The following SPPL3 variants were observed in gnomAD, a reference collection of about 807,000 sequenced individuals.
SPPL3 encodes signal peptide peptidase-like 3.
In SPPL3, 5 loss-of-function variants were observed where a neutral mutation model predicts 42.4. The observed-to-expected ratio is 0.12, with a 90% CI of 0.06 to 0.25. The LOEUF (loss-of-function observed/expected upper bound fraction) is 0.25, where lower values mean the gene tolerates loss of function less well. SPPL3 is among the 10% of genes least tolerant of loss of function. The pLI is 1.00. For missense variants in SPPL3, 235 were observed against 489.0 expected, an observed-to-expected ratio of 0.48 and a Z score of 4.90; for synonymous variants, 195 against 181.8, an observed-to-expected ratio of 1.07 and a Z score of -0.58.
rs79283524 is a variant in SPPL3 at position 120,871,144 on chromosome 12, A to G, written c.23+32701T>C. Among the ~76,000 whole-genome samples the G allele has an allele frequency of 5.8e-4, 83 of 142,202 alleles. 2 individuals are homozygous for G. Among genetic ancestry groups the G allele is most frequent in the African/African-American group, 2.3e-3 (77 of 34,212 alleles). The allele number at this position is 142,202 out of a possible 152,430, so 93.3% of individuals were successfully genotyped here. ...GACTCCGTCTCCAAAAAAAAAAAAAAAAAAAGAAAAAGTTCTGGAGGTAAA... is the reference window on the plus strand; with the variant it reads ...GACTCCGTCTCCAAAAAAAAAAAAAGAAAAAGAAAAAGTTCTGGAGGTAAA... On this transcript the variant is annotated intron_variant, in intron 1 of 10. Coordinates refer to ENST00000353487, the MANE Select transcript of SPPL3 (RefSeq NM_139015.5).
In SPPL3 at chr12:120,833,766, AGTGTGTGTGTGTGTGTGTGT is replaced by A. The variant is rs71076664; in HGVS notation, c.24-22900_24-22881del. On this transcript the variant is annotated intron_variant, in intron 1 of 10. Transcript: ENST00000353487. ...AGAAAAAAGAGTTGTTGAGTTTTAA[AGTGTGTGTGTGTGTGTGTGT>A]GTGTGTGTGTGTGTGTGTGTGTTGA... 6.8e-5 allele frequency among the ~76,000 whole-genome samples: 10 copies of A among 146,736 alleles called. No homozygotes were observed. In the South Asian group the frequency reaches 8.8e-4, roughly 13 times the overall value.
intron 6 of SPPL3, chr12:120,769,284 G>C (rs772163636): frequency 2.4e-6 from 1 of 417,360 alleles, no homozygotes; most frequent in Non-Finnish European, 4.4e-6. Flanking sequence ...CCTAGACATA[G>C]TGCTCGGCTG....
chr12:120,831,082 T>C (rs1447144549), intron 1 of SPPL3, among the ~76,000 whole-genome samples: 1 of 152,026 alleles, frequency 6.6e-6, no homozygotes, highest in Non-Finnish European at 1.5e-5. Flanking sequence ...TCTCTCTCTC[T>C]CTCTCTCCTT....
At chr12:120,875,875 C>A (rs1190533434) in intron 1 of SPPL3, among the ~76,000 whole-genome samples, 3 of 152,000 alleles carry the variant, frequency 2.0e-5, no homozygotes, top group African/African-American at 2.4e-5. Flanking sequence ...AATATAAATA[C>A]ACAGATTAAA....
At chr12:120,901,097 C>A (rs1420691866) in intron 1 of SPPL3, among the ~76,000 whole-genome samples, 1 of 152,088 alleles carries the variant, frequency 6.6e-6, no homozygotes, top group African/African-American at 2.4e-5. Context: ...TGGGAGAATT[C>A]ATGTCAAACA....
chr12:120,888,232 C>T (rs1420729147), intron 1 of SPPL3, among the ~76,000 whole-genome samples: 3 of 152,092 alleles, frequency 2.0e-5, no homozygotes, highest in Non-Finnish European at 4.4e-5. Flanking sequence ...TCCACCACCA[C>T]GCCCAGCTAA....
intron 1 of SPPL3, among the ~76,000 whole-genome samples, chr12:120,847,459 A>C (rs555518207): frequency 1.5e-4 from 23 of 150,730 alleles, no homozygotes; most frequent in African/African-American, 5.1e-4. Flanking sequence ...CACCTGGCTA[A>C]TTTTTGTATC....
chr12:120,838,598 T>C (rs910577616), intron 1 of SPPL3, among the ~76,000 whole-genome samples: 2 of 152,248 alleles, frequency 1.3e-5, no homozygotes, highest in Non-Finnish European at 2.9e-5. Context: ...CTTAAGCCAT[T>C]TGGGCTCTCT....
At position 120,825,125 on chromosome 12, in the gene SPPL3, T is replaced by TA. The variant is rs997961379; in HGVS notation, c.24-14240dup. Among the ~76,000 whole-genome samples, 18 of 151,222 alleles carry TA rather than the reference T, an allele frequency of 1.2e-4. No individual in the cohort carries two copies. In the South Asian group the frequency reaches 1.5e-3, roughly 12 times the overall value. ...TAATTACTAACACCTTAAACTCATT[T>TA]AAAAAAAAAGGACAGATCCAAACTT... On this transcript the variant is annotated intron_variant, in intron 1 of 10. Coordinates refer to ENST00000353487, the MANE Select transcript of SPPL3 (RefSeq NM_139015.5).
At chr12:120,832,829 T>G (rs1417591118) in intron 1 of SPPL3, among the ~76,000 whole-genome samples, 2 of 152,164 alleles carry the variant, frequency 1.3e-5, no homozygotes, top group Non-Finnish European at 2.9e-5. Context: ...TATTAGAGAT[T>G]TGAGTTGCAC....
chr12:120,777,426 T>C (rs530975847), intron 6 of SPPL3, among the ~76,000 whole-genome samples: 1 of 152,360 alleles, frequency 6.6e-6, no homozygotes, highest in South Asian at 2.1e-4. Flanking sequence ...ATATGCTCTG[T>C]TTATACATGC....
At chr12:120,811,109 C>T (rs933372283) in intron 1 of SPPL3, 8 of 367,982 alleles carry the variant, frequency 2.2e-5, no homozygotes, top group South Asian at 1.2e-4. Context: ...TAAATATTTA[C>T]GGCATGTAAA....
intron 1 of SPPL3, chr12:120,845,294 G>C (rs1871984479): frequency 5.7e-6 from 2 of 353,208 alleles, no homozygotes; most frequent in Non-Finnish European, 5.7e-6. Flanking sequence ...AACCCCAGGA[G>C]GACAGTATCC....
chr12:120,852,064 A>G (rs188630428), intron 1 of SPPL3, among the ~76,000 whole-genome samples: 115 of 147,432 alleles, frequency 7.8e-4, no homozygotes, highest in African/African-American at 2.7e-3. Flanking sequence ...AACAGATGTC[A>G]TTGTGTTTCA....
rs67329171 is a variant in SPPL3 at position 120,836,988 on chromosome 12, ATT to A, written c.24-26104_24-26103del. Among the ~76,000 whole-genome samples, 3 of 150,792 alleles carry A rather than the reference ATT, an allele frequency of 2.0e-5. 1 individual carries two copies. Among genetic ancestry groups the A allele is most frequent in the East Asian group, 3.9e-4 (2 of 5,176 alleles). On this transcript the variant is annotated intron_variant, in intron 1 of 10. Coordinates refer to ENST00000353487, the MANE Select transcript of SPPL3 (RefSeq NM_139015.5). Reference sequence around the variant, plus strand: ...GGCAAAGAGCACATGAGCTCTCTGCATTTTTTTTTTGTAACTGCATGTGAATC... The same window carrying A: ...GGCAAAGAGCACATGAGCTCTCTGCATTTTTTTTGTAACTGCATGTGAATC...
chr12:120,899,251 G>C (rs562305011), intron 1 of SPPL3, among the ~76,000 whole-genome samples: 1 of 152,168 alleles, frequency 6.6e-6, no homozygotes, highest in Non-Finnish European at 1.5e-5. Context: ...CTTTAATAAA[G>C]GATGGCATTC....
rs11420575 is a variant in SPPL3 at position 120,813,670 on chromosome 12, TA to T, written c.24-2785del. Among the ~76,000 whole-genome samples the T allele has an allele frequency of 1.5e-4, 22 of 148,766 alleles. 1 individual carries two copies. Among genetic ancestry groups the T allele is most frequent in the Middle Eastern group, 3.4e-3 (1 of 290 alleles). On this transcript the variant is annotated intron_variant, in intron 1 of 10. Coordinates refer to ENST00000353487, the MANE Select transcript of SPPL3 (RefSeq NM_139015.5). ...CAACCTGAAGTATTTATGGGTATGT[TA>T]AAAAAAAAATGAACTGGGGAGTCCA...
intron 2 of SPPL3, among the ~76,000 whole-genome samples, chr12:120,805,254 T>C (rs1297289226): frequency 6.6e-6 from 1 of 152,196 alleles, no homozygotes; most frequent in East Asian, 1.9e-4. Flanking sequence ...GCTGTTAAAA[T>C]ATACTATATA....
At chr12:120,891,661 G>A (rs1873644751) in intron 1 of SPPL3, among the ~76,000 whole-genome samples, 1 of 150,022 alleles carries the variant, frequency 6.7e-6, no homozygotes, top group Non-Finnish European at 1.5e-5. Flanking sequence ...CTCATATCTC[G>A]AGATGTTTCC....
Sources: allele counts gnomAD v4.1 joint callset (sites outside exome capture counted in the v4.1 genomes callset), GRCh38; gene constraint gnomAD v4.1.1; transcripts MANE v1.5; gene names NCBI Gene and HGNC (gene_info 2026-07-23, HGNC 2026-07-21).